The following GABRB2 variants were observed in gnomAD, a reference collection of about 807,000 sequenced individuals.
The protein encoded by GABRB2 is gamma-aminobutyric acid receptor subunit beta-2.
Under a neutral mutation model 54.7 loss-of-function variants are expected in GABRB2, and 16 were observed. The ratio of observed to expected loss-of-function variants is 0.29; its 90% CI spans 0.20 to 0.44. The LOEUF (loss-of-function observed/expected upper bound fraction) is 0.44. GABRB2 is among the 20% of genes least tolerant of loss of function. GABRB2 has a pLI of 1.00. For missense variants in GABRB2, 355 were observed against 644.0 expected, an observed-to-expected ratio of 0.55 and a Z score of 4.86; for synonymous variants, 244 against 233.8, an observed-to-expected ratio of 1.04 and a Z score of -0.40.
chr5:161,506,599 C>T (rs911860906), intron 3 of GABRB2, among the ~76,000 whole-genome samples: 2 of 152,054 alleles, frequency 1.3e-5, no homozygotes, highest in South Asian at 2.1e-4. Context: ...TATTGTCATG[C>T]TATAATGACA....
chr5:161,490,587 T>A (rs536944051), intron 3 of GABRB2, among the ~76,000 whole-genome samples: 6 of 151,740 alleles, frequency 4.0e-5, no homozygotes, highest in Non-Finnish European at 5.9e-5. Context: ...CCAGAATCAT[T>A]ACTGTCTACC....
intron 3 of GABRB2, among the ~76,000 whole-genome samples, chr5:161,529,781 A>T (rs1007030798): frequency 3.9e-5 from 6 of 152,076 alleles, no homozygotes; most frequent in African/African-American, 1.4e-4. Flanking sequence ...TTGGTTTTAA[A>T]CTATTAAATG....
intron 9 of GABRB2, among the ~76,000 whole-genome samples, chr5:161,296,675 T>A (rs1167679981): frequency 6.6e-6 from 1 of 151,802 alleles, no homozygotes; most frequent in East Asian, 1.9e-4. Flanking sequence ...AAAAAAAAAA[T>A]GATTGAACAT....
At chr5:161,494,307 C>A (rs1272094279) in intron 3 of GABRB2, among the ~76,000 whole-genome samples, 2 of 151,778 alleles carry the variant, frequency 1.3e-5, no homozygotes, top group Non-Finnish European at 2.9e-5. Flanking sequence ...ATGCTATTGA[C>A]TGTCTACACT....
chr5:161,495,978 G>A (rs569139692), intron 3 of GABRB2, among the ~76,000 whole-genome samples: 1 of 152,268 alleles, frequency 6.6e-6, no homozygotes, highest in South Asian at 2.1e-4. Flanking sequence ...CTTATGAGAA[G>A]TCAGGAATGT....
chr5:161,453,527 A>G (rs1757854933), intron 4 of GABRB2, among the ~76,000 whole-genome samples: 1 of 152,056 alleles, frequency 6.6e-6, no homozygotes, highest in South Asian at 2.1e-4. Context: ...GAATCAGGAA[A>G]CCTGCCCTCA....
intron 3 of GABRB2, among the ~76,000 whole-genome samples, chr5:161,536,608 C>G (rs1160832287): frequency 6.6e-6 from 1 of 152,092 alleles, no homozygotes; most frequent in African/African-American, 2.4e-5. Flanking sequence ...TGTTTCTCCA[C>G]CAAACTATAT....
chr5:161,379,357 AC>A (rs1490202443), intron 5 of GABRB2, among the ~76,000 whole-genome samples: 10 of 152,158 alleles, frequency 6.6e-5, no homozygotes, highest in Admixed American at 1.3e-4. Context: ...TCCAAGAATT[AC>A]TACTACAGGA....
chr5:161,533,248 A>G (rs565631740), intron 3 of GABRB2, among the ~76,000 whole-genome samples: 11 of 152,326 alleles, frequency 7.2e-5, no homozygotes, highest in African/African-American at 2.6e-4. Context: ...ATGACAAGAT[A>G]TTATAAACCA....
intron 3 of GABRB2, among the ~76,000 whole-genome samples, chr5:161,511,173 T>A (rs1443735987): frequency 1.3e-5 from 2 of 152,020 alleles, no homozygotes; most frequent in African/African-American, 4.8e-5. Flanking sequence ...GCAAAAGTGA[T>A]GGTTCTGTCC....
rs185301250 is a variant in GABRB2 at position 161,298,293 on chromosome 5, T to G, written c.1192-3865A>C. Among the ~76,000 whole-genome samples, 220 of 152,364 alleles carry G rather than the reference T, an allele frequency of 1.4e-3. 1 individual carries two copies. Among genetic ancestry groups the G allele is most frequent in the African/African-American group, 5.0e-3 (207 of 41,584 alleles). ...GCTCTTTAGTTTAATTAGATCCCAT[T>G]TGTCAATTTTGGCTTTTGTTGCCAT... is the stretch of plus-strand genomic sequence containing the variant. On this transcript the variant is annotated intron_variant, in intron 9 of 9. Transcript: ENST00000393959.
chr5:161,407,920 C>T (rs1756393338), intron 5 of GABRB2, among the ~76,000 whole-genome samples: 1 of 151,952 alleles, frequency 6.6e-6, no homozygotes. Context: ...ATGAAACACC[C>T]CCCATCCCTG....
At chr5:161,370,580 C>A (rs1222537730) in intron 5 of GABRB2, among the ~76,000 whole-genome samples, 1 of 152,140 alleles carries the variant, frequency 6.6e-6, no homozygotes, top group African/African-American at 2.4e-5. Context: ...TCCAAAAAAT[C>A]TTCTCTCCTT....
chr5:161,456,697 T>C (rs1026117554), intron 4 of GABRB2, among the ~76,000 whole-genome samples: 2 of 152,180 alleles, frequency 1.3e-5, no homozygotes, highest in Admixed American at 6.5e-5. Context: ...TAAGATAATA[T>C]ATGTAAAGTT....
At chr5:161,396,725 A>T (rs1196671430) in intron 5 of GABRB2, among the ~76,000 whole-genome samples, 1 of 152,216 alleles carries the variant, frequency 6.6e-6, no homozygotes, top group East Asian at 1.9e-4. Flanking sequence ...GTATTTATAT[A>T]TCAAAATATC....
At chr5:161,522,773 C>T (rs987013864) in intron 3 of GABRB2, among the ~76,000 whole-genome samples, 1 of 151,486 alleles carries the variant, frequency 6.6e-6, no homozygotes, top group Non-Finnish European at 1.5e-5. Flanking sequence ...TGTCCTGAAT[C>T]GTAGCCCAGT....
intron 5 of GABRB2, among the ~76,000 whole-genome samples, chr5:161,382,699 C>T (rs1427065033): frequency 6.6e-6 from 1 of 152,112 alleles, no homozygotes; most frequent in Non-Finnish European, 1.5e-5. Flanking sequence ...AATATTCTGG[C>T]TTATGTGACT....
intron 5 of GABRB2, among the ~76,000 whole-genome samples, chr5:161,356,084 C>T (rs1252379651): frequency 6.6e-6 from 1 of 152,028 alleles, no homozygotes; most frequent in African/African-American, 2.4e-5. Flanking sequence ...AAATTGAAAA[C>T]AGAATTTAGA....
At chr5:161,337,829 T>C (rs1418870197) in intron 5 of GABRB2, among the ~76,000 whole-genome samples, 1 of 152,166 alleles carries the variant, frequency 6.6e-6, no homozygotes, top group African/African-American at 2.4e-5. Flanking sequence ...TCACATTCCA[T>C]GTGAAGAGAT....
Sources: gnomAD v4.1 joint callset for allele counts (sites outside exome capture counted in the v4.1 genomes callset) on GRCh38, gnomAD v4.1.1 for gene constraint, MANE v1.5 for transcripts, NCBI Gene and HGNC (gene_info 2026-07-23, HGNC 2026-07-21) for gene names.